Variants in ZNF783 observed in about 807,000 individuals in gnomAD.
ZNF783 encodes zinc finger protein 783.
Under a neutral mutation model 31.3 loss-of-function variants are expected in ZNF783, and 25 were observed. The ratio of observed to expected loss-of-function variants is 0.80; its 90% confidence interval spans 0.58 to 1.11. The LOEUF (loss-of-function observed/expected upper bound fraction) is 1.11. Ranked by LOEUF, ZNF783 falls within the 50% of genes most tolerant of loss-of-function variation. ZNF783 has a pLI of 0.00. For synonymous variants in ZNF783, 369 were observed against 319.1 expected, an observed-to-expected ratio of 1.16 and a Z score of -1.66; for missense variants, 797 against 760.0, an observed-to-expected ratio of 1.05 and a Z score of -0.57.
rs750836942 is a variant in ZNF783, at chr7:149,281,664, C to T, written c.962C>T (p.Pro321Leu). ...AGCCGTCATCAGGCCCAGGGCATGC[C>T]CAGGGTGCGGGCAGGGGAGCCACGG... is the stretch of plus-strand genomic sequence containing the variant. Reference protein sequence around the residue: ...GPSRHQAQGMPRVRAGEPRPP... With the variant: ...GPSRHQAQGMLRVRAGEPRPP... Residue 321 changes from proline to leucine, a missense_variant, in exon 6 of 6, where the codon CCC becomes CTC. Coordinates refer to ENST00000434415, the MANE Select transcript of ZNF783 (RefSeq NM_001195220.2). The T allele has an allele frequency of 1.2e-5, 18 of 1,521,184 alleles. No individual in the cohort carries two copies. The South Asian group carries it at 2.3e-4, about 19-fold the overall frequency. 94.2% of individuals were successfully genotyped at this position (1,521,184 alleles called of 1,614,324 possible).
intron 4 of ZNF783, among the ~76,000 whole-genome samples, chr7:149,272,561 GTTTT>G (rs968239060): frequency 4.0e-4 from 59 of 149,206 alleles, no homozygotes; most frequent in African/African-American, 1.4e-3. Context: ...GTGTGGATGA[GTTTT>G]TTTTTTCCTT....
chr7:149,262,847 C>T (rs1796964014), intron 1 of ZNF783, among the ~76,000 whole-genome samples: 1 of 152,258 alleles, frequency 6.6e-6, no homozygotes, highest in Non-Finnish European at 1.5e-5. Context: ...TCATATTCTA[C>T]TTTTGCCAAA....
chr7:149,273,376 C>T (rs1333917844), intron 4 of ZNF783, among the ~76,000 whole-genome samples: 6 of 152,098 alleles, frequency 3.9e-5, no homozygotes, highest in African/African-American at 9.7e-5. Context: ...CAACAGTGCA[C>T]GAGGGTTCCC....
intron 1 of ZNF783, among the ~76,000 whole-genome samples, chr7:149,262,616 A>G (rs1796953666): frequency 6.6e-6 from 1 of 152,172 alleles, no homozygotes; most frequent in African/African-American, 2.4e-5. Context: ...GCCGGGCCCC[A>G]GAGTCACGCT....
intron 1 of ZNF783, among the ~76,000 whole-genome samples, chr7:149,263,282 GTGTGTGTGTGTGTGTGTGTGTGTATA>G (rs1450590729): frequency 1.0e-5 from 1 of 97,278 alleles, no homozygotes; most frequent in Non-Finnish European, 1.9e-5. Context: ...GTGTGTGTGT[GTGTGTGTGTGTGTGTGTGTGTGTATA>G]TATATATATA....
intron 5 of ZNF783, among the ~76,000 whole-genome samples, chr7:149,280,054 G>A (rs2129525184): frequency 6.6e-6 from 1 of 151,712 alleles, no homozygotes; most frequent in African/African-American, 2.4e-5. Context: ...GCCGGGCAGA[G>A]GCGCCCCTCA....
chr7:149,274,866 C>G (rs1027299481), intron 4 of ZNF783, among the ~76,000 whole-genome samples: 1 of 152,004 alleles, frequency 6.6e-6, no homozygotes, highest in Non-Finnish European at 1.5e-5. Context: ...GCTTAGGATG[C>G]CTTTGGCTAT....
intron 4 of ZNF783, 108 bp from the exon 5 acceptor site, chr7:149,278,291 G>A: frequency 6.6e-7 from 1 of 1,523,962 alleles, no homozygotes; most frequent in Non-Finnish European, 8.8e-7. Context: ...CTGTGCTGGA[G>A]CTGAGGCCCC....
rs1414670689 is a variant in ZNF783 at position 149,266,584 on chromosome 7, C to G, written c.274C>G (p.Leu92Val). The G allele has an allele frequency of 4.3e-6, 7 of 1,614,068 alleles. No homozygotes were observed. The highest frequency in any genetic ancestry group is 5.9e-6 in the Non-Finnish European group (7 of 1,180,050). ...EKTAVEFGNQ[L>V]EGKWAVLGTL... ...GACAGCTGTGGAGTTCGGGAACCAG[C>G]TGGAGGGCAAGTGGGCCGTGCTGGG... Residue 92 changes from leucine (L) to valine (V), a missense_variant, in exon 2 of 6, where the codon CTG (leucine) becomes GTG (valine). Transcript: ENST00000434415.
intron 1 of ZNF783, among the ~76,000 whole-genome samples, chr7:149,265,895 G>A (rs1199630994): frequency 6.6e-6 from 1 of 152,240 alleles, no homozygotes; most frequent in South Asian, 2.1e-4. Context: ...TGGCCAGCTT[G>A]TAAGTGGCAG....
Position 149,266,705 on chromosome 7 carries a change from C to G in ZNF783, c.395C>G (p.Pro132Arg), listed in dbSNP as rs369568498. ...AACTTCTGGATCTTGCGGCTGCCCC[C>G]GGGCAGCAAGGGGGAGGCCCCCAAG... is the stretch of plus-strand genomic sequence containing the variant. ...NRNFWILRLP[P>R]GSKGEAPKVP... Residue 132 changes from proline to arginine, a missense_variant, in exon 2 of 6, where the codon CCG (proline) becomes CGG (arginine). Pro to Arg is a moderately radical substitution (Grantham distance 103). Transcript: ENST00000434415. The G allele has an allele frequency of 1.2e-6, 2 of 1,613,756 alleles. No homozygotes were observed. Among genetic ancestry groups the G allele is most frequent in the East Asian group, 2.2e-5 (1 of 44,878 alleles).
At position 149,281,961 on chromosome 7, in the gene ZNF783, C is replaced by G. The variant is rs746135481; in HGVS notation, c.1259C>G (p.Ala420Gly). Residue 420 changes from alanine (A) to glycine (G), a missense_variant, in exon 6 of 6, where the codon GCA (alanine) becomes GGA (glycine). Physicochemically the swap from Ala to Gly is moderately conservative, Grantham distance 60. Coordinates refer to ENST00000434415, the MANE Select transcript of ZNF783 (RefSeq NM_001195220.2). ...PEEPEGRRSV[A>G]GGRALVGRRP... is the part of the protein sequence containing the mutation. Reference sequence around the variant, plus strand: ...GAGCCTGAGGGTCGCCGCTCCGTGGCAGGGGGCCGTGCCTTGGTGGGGCGG... The same window carrying G: ...GAGCCTGAGGGTCGCCGCTCCGTGGGAGGGGGCCGTGCCTTGGTGGGGCGG... 3 of 1,567,376 alleles carry G rather than the reference C, an allele frequency of 1.9e-6. No homozygotes were observed. The African/African-American group carries it at 4.1e-5, about 21-fold the overall frequency.
chr7:149,281,519 A>G lies in ZNF783; in HGVS notation c.817A>G (p.Ile273Val). 6.9e-7 allele frequency: 1 copy of G among 1,451,112 alleles called. No individual in the cohort carries two copies. Among genetic ancestry groups the G allele is most frequent in the Non-Finnish European group, 9.0e-7 (1 of 1,109,336 alleles). 89.9% of individuals were successfully genotyped at this position (1,451,112 alleles called of 1,614,324 possible). A position where few individuals can be genotyped will look rare whatever the true frequency, so the allele number is the denominator to read the frequency against. The change falls in exon 6 of 6, where the codon ATC becomes GTC. Residue 273 changes from isoleucine (I) to valine (V), a missense_variant. Ile to Val is a conservative substitution (Grantham distance 29). Transcript: ENST00000434415. ...TCCTTTGCCAGGTGGTGGTGTGGCC[A>G]TCAAGACAGAGGCACAGTCTGAAGA... Reference protein sequence around the residue: ...AGPEAGGGVAIKTEAQSEDEM... With the variant: ...AGPEAGGGVAVKTEAQSEDEM...
At chr7:149,276,215 C>A in intron 4 of ZNF783, 2 of 493,358 alleles carry the variant, frequency 4.1e-6, no homozygotes, top group Non-Finnish European at 5.3e-6. Context: ...TAGTGGCTCA[C>A]GAACAGTCAG....
At position 149,283,584 on chromosome 7, in the gene ZNF783, C is replaced by T. The variant is rs577034122; in HGVS notation, c.*1241C>T. The T allele has an allele frequency of 2.0e-5, 3 of 152,322 alleles. No individual in the cohort carries two copies. The highest frequency in any genetic ancestry group is 2.1e-4 in the South Asian group (1 of 4,826). The allele number at this position is 152,322 out of a possible 1,614,324, so 9.4% of individuals were successfully genotyped here. ...AGGCCCTTGGTCTGGCTGAGGACCACGTCCACCCTGGGCCTCCAGGCCTGC... is the reference window on the plus strand; with the variant it reads ...AGGCCCTTGGTCTGGCTGAGGACCATGTCCACCCTGGGCCTCCAGGCCTGC... On this transcript the variant is annotated 3_prime_UTR_variant, in exon 6 of 6. Transcript: ENST00000434415.
Position 149,281,548 on chromosome 7 carries a change from G to T in ZNF783, c.846G>T (p.Glu282Asp), listed in dbSNP as rs746436249. The T allele has an allele frequency of 2.7e-6, 4 of 1,475,830 alleles. No homozygotes were observed. In the Admixed American group the frequency reaches 1.0e-4, roughly 37 times the overall value. The allele number at this position is 1,475,830 out of a possible 1,614,324, so 91.4% of individuals were successfully genotyped here. The part of the protein sequence containing the change: ...AIKTEAQSED[E>D]MTPERLFLGV... ...AGACAGAGGCACAGTCTGAAGACGA[G>T]ATGACGCCTGAGCGGCTCTTTCTGG... Residue 282 changes from glutamate (E) to aspartate (D), a missense_variant, in exon 6 of 6, where the codon GAG (glutamate) becomes GAT (aspartate). Coordinates refer to ENST00000434415, the MANE Select transcript of ZNF783 (RefSeq NM_001195220.2).
chr7:149,282,400 G>A lies in ZNF783; in HGVS notation c.*57G>A. On this transcript the variant is annotated 3_prime_UTR_variant, in exon 6 of 6. Coordinates refer to ENST00000434415, the MANE Select transcript of ZNF783 (RefSeq NM_001195220.2). ...GGGTCTCTCCCCTGTGCCTGACGCA[G>A]GTTCTTCCTTTTCCTGGGATGGAGA... 3 of 1,353,014 alleles carry A rather than the reference G, an allele frequency of 2.2e-6. No individual in the cohort carries two copies. The highest frequency in any genetic ancestry group is 2.9e-6 in the Non-Finnish European group (3 of 1,028,294). The allele number at this position is 1,353,014 out of a possible 1,614,324, so 83.8% of individuals were successfully genotyped here.
At chr7:149,280,131 C>T (rs1797430004) in intron 5 of ZNF783, among the ~76,000 whole-genome samples, 1 of 149,854 alleles carries the variant, frequency 6.7e-6, no homozygotes, top group Admixed American at 6.7e-5. Flanking sequence ...GACAGGGCGG[C>T]TGGCCGGGCG....
chr7:149,264,872 CAA>C (rs56837970), intron 1 of ZNF783, among the ~76,000 whole-genome samples: 13 of 53,030 alleles, frequency 2.5e-4, no homozygotes, highest in Admixed American at 7.8e-4. Context: ...GACTCCGTCT[CAA>C]AAAAAAAAAA....
Sources: gnomAD v4.1 joint callset for allele counts (sites outside exome capture counted in the v4.1 genomes callset) on GRCh38, gnomAD v4.1.1 for gene constraint, MANE v1.5 for transcripts, NCBI Gene and HGNC (gene_info 2026-07-23, HGNC 2026-07-21) for gene names.